The following NAV3 variants were observed in gnomAD, a reference collection of about 807,000 sequenced individuals.
NAV3 encodes neuron navigator 3, also known as pore membrane and/or filament interacting like protein 1.
A neutral mutation model predicts 244.7 loss-of-function variants in NAV3; 87 were observed. That is an observed-to-expected ratio of 0.36 (90% CI 0.30 to 0.42). The LOEUF is 0.42. Ranked by LOEUF, NAV3 falls within the 20% of genes least tolerant of loss-of-function variation. The pLI, the probability that NAV3 is intolerant of heterozygous loss-of-function variation, is 1.00. For synonymous variants in NAV3, 1,126 were observed against 1,042.2 expected, an observed-to-expected ratio of 1.08 and a Z score of -1.55; for missense variants, 2,663 against 2,893.3, an observed-to-expected ratio of 0.92 and a Z score of 1.83.
At chr12:78,019,244 C>T (rs1392557660) in intron 8 of NAV3, among the ~76,000 whole-genome samples, 1 of 152,022 alleles carries the variant, frequency 6.6e-6, no homozygotes, top group African/African-American at 2.4e-5. Context: ...ACACCCAAAC[C>T]CAGTATATTT....
intron 1 of NAV3, among the ~76,000 whole-genome samples, chr12:77,931,659 G>T (rs1381568731): frequency 6.6e-6 from 1 of 152,096 alleles, no homozygotes; most frequent in Admixed American, 6.6e-5. Context: ...AAGGTCAGGA[G>T]ATCGAGACCA....
intron 2 of NAV3, among the ~76,000 whole-genome samples, chr12:77,804,881 C>T (rs905838401): frequency 6.6e-6 from 1 of 152,078 alleles, no homozygotes; most frequent in Non-Finnish European, 1.5e-5. Context: ...TTGAAGAGGT[C>T]CTTCACATCC....
chr12:78,022,905 T>C (rs975058533), intron 9 of NAV3, among the ~76,000 whole-genome samples: 1 of 152,128 alleles, frequency 6.6e-6, no homozygotes, highest in Non-Finnish European at 1.5e-5. Context: ...AGAGGTTTCA[T>C]ATGGAGATTA....
At chr12:77,678,582 A>C (rs1360920901) in intron 2 of NAV3, among the ~76,000 whole-genome samples, 1 of 152,174 alleles carries the variant, frequency 6.6e-6, no homozygotes, top group African/African-American at 2.4e-5. Flanking sequence ...CTTTCTGCGG[A>C]ATGCTAGCTG....
intron 1 of NAV3, among the ~76,000 whole-genome samples, chr12:77,849,879 T>C (rs969581193): frequency 9.2e-5 from 14 of 152,140 alleles, no homozygotes; most frequent in Non-Finnish European, 1.6e-4. Flanking sequence ...TATAGACTTT[T>C]GAATGTGGAA....
intron 1 of NAV3, among the ~76,000 whole-genome samples, chr12:77,845,352 G>C (rs889944854): frequency 1.1e-4 from 17 of 152,256 alleles, no homozygotes; most frequent in African/African-American, 3.9e-4. Context: ...TGTGCTCTTG[G>C]ACTTTGACTA....
At chr12:78,058,695 C>G (rs1163480194) in intron 11 of NAV3, among the ~76,000 whole-genome samples, 1 of 152,058 alleles carries the variant, frequency 6.6e-6, no homozygotes, top group East Asian at 1.9e-4. Flanking sequence ...TATCTGCAAG[C>G]CTATTCATAA....
chr12:77,614,145 G>A (rs1377669673), intron 2 of NAV3, among the ~76,000 whole-genome samples: 4 of 132,766 alleles, frequency 3.0e-5, no homozygotes, highest in Non-Finnish European at 4.6e-5. Flanking sequence ...GTGCAGTGGC[G>A]CTATTCAATG....
intron 34 of NAV3, 102 bp downstream of exon 34, chr12:78,190,321 A>C: frequency 1.1e-6 from 1 of 921,896 alleles, no homozygotes; most frequent in Non-Finnish European, 1.6e-6. Flanking sequence ...TACATGGAAA[A>C]GAATATCCAT....
At chr12:77,914,273 G>A (rs187857688) in intron 1 of NAV3, among the ~76,000 whole-genome samples, 27 of 152,154 alleles carry the variant, frequency 1.8e-4, no homozygotes, top group African/African-American at 6.0e-4. Flanking sequence ...CACTGTCAAA[G>A]GCTTCATTCA....
intron 1 of NAV3, among the ~76,000 whole-genome samples, chr12:77,916,872 A>G (rs1242508505): frequency 6.6e-6 from 1 of 152,028 alleles, no homozygotes; most frequent in Admixed American, 6.6e-5. Flanking sequence ...TTTTAATGTG[A>G]AATATTAAAA....
At chr12:78,183,853 C>A (rs1032448111) in intron 30 of NAV3, among the ~76,000 whole-genome samples, 1 of 151,890 alleles carries the variant, frequency 6.6e-6, no homozygotes, top group African/African-American at 2.4e-5. Context: ...TTTCATACTA[C>A]TCCTCACCCT....
At chr12:77,717,934 T>C (rs1436799175) in intron 2 of NAV3, among the ~76,000 whole-genome samples, 2 of 152,204 alleles carry the variant, frequency 1.3e-5, no homozygotes, top group Non-Finnish European at 2.9e-5. Context: ...TTAGGTATTT[T>C]GTCACTGAGT....
rs2138679467 is a variant in NAV3 at position 78,121,969 on chromosome 12, C to T, written c.3779C>T (p.Ser1260Phe). The part of the protein sequence containing the change: ...RLFGAKAGGK[S>F]ASAPNTEGVK... The stretch of plus-strand genomic sequence containing the variant: ...TTTGGTGCCAAGGCAGGTGGCAAAT[C>T]TGCCTCTGCACCTAATACTGAGGGT... The change falls in exon 16 of 40, where the codon TCT becomes TTT. Residue 1260 changes from serine to phenylalanine, a missense_variant. Transcript: ENST00000397909. 6.2e-7 allele frequency: 1 copy of T among 1,613,920 alleles called. No individual in the cohort carries two copies. The highest frequency in any genetic ancestry group is 2.2e-5 in the East Asian group (1 of 44,876).
intron 2 of NAV3, among the ~76,000 whole-genome samples, chr12:77,591,531 C>T (rs1869902764): frequency 6.6e-6 from 1 of 152,274 alleles, no homozygotes. Context: ...TGGAGAATAA[C>T]TGATTTCTTG....
intron 2 of NAV3, among the ~76,000 whole-genome samples, chr12:77,594,097 G>T (rs1870053289): frequency 6.6e-6 from 1 of 151,982 alleles, no homozygotes; most frequent in African/African-American, 2.4e-5. Flanking sequence ...CATGCTTCTT[G>T]TAACAACAAC....
intron 2 of NAV3, among the ~76,000 whole-genome samples, chr12:77,761,670 GA>G (rs1869471896): frequency 6.6e-6 from 1 of 152,052 alleles, no homozygotes; most frequent in Non-Finnish European, 1.5e-5. Flanking sequence ...AGAAACATAT[GA>G]AAAAAAGCTC....
intron 2 of NAV3, among the ~76,000 whole-genome samples, chr12:77,733,834 ATTTTTT>A (rs56770236): frequency 4.0e-4 from 50 of 124,168 alleles, no homozygotes; most frequent in East Asian, 4.7e-4. Flanking sequence ...CTTGGTTTAG[ATTTTTT>A]TTTTTTTTTT....
At chr12:78,117,276 A>C (rs932129660) in intron 13 of NAV3, among the ~76,000 whole-genome samples, 115 of 9,892 alleles carry the variant, frequency 0.012, no homozygotes, top group South Asian at 0.046. Context: ...AAATATATTT[A>C]TTTATTGTTA....
Sources: gnomAD v4.1 joint callset for allele counts (sites outside exome capture counted in the v4.1 genomes callset) on GRCh38, gnomAD v4.1.1 for gene constraint, MANE v1.5 for transcripts, NCBI Gene and HGNC (gene_info 2026-07-23, HGNC 2026-07-21) for gene names.